Variants in ZFHX3 observed in about 807,000 individuals in gnomAD.
ZFHX3 encodes zinc finger homeobox protein 3.
Under a neutral mutation model 279.1 loss-of-function variants are expected in ZFHX3, and 42 were observed. The ratio of observed to expected loss-of-function variants is 0.15; its 90% confidence interval spans 0.12 to 0.19. The LOEUF (loss-of-function observed/expected upper bound fraction) is 0.19. Among genes scored for constraint, ZFHX3 ranks in the 10% least tolerant of loss-of-function variants. The pLI, the probability that ZFHX3 is intolerant of heterozygous loss-of-function variation, is 1.00. For synonymous variants in ZFHX3, 2,293 were observed against 1,957.8 expected (o/e 1.17, Z -4.52); for missense variants, 4,981 against 4,754.0 (o/e 1.05, Z -1.40).
At chr16:73,712,425 T>TCAAA (rs2053372276) in intron 1 of ZFHX3, among the ~76,000 whole-genome samples, 1 of 152,116 alleles carries the variant, frequency 6.6e-6, no homozygotes, top group South Asian at 2.1e-4. Flanking sequence ...CTCTGACCCT[T>TCAAA]CCCCAGCCCC....
At chr16:72,998,968 T>C (rs72795140) in intron 1 of ZFHX3, among the ~76,000 whole-genome samples, 49 of 152,358 alleles carry the variant, frequency 3.2e-4, no homozygotes, top group Non-Finnish European at 6.0e-4. Flanking sequence ...GAAAACTCAC[T>C]GTCTTTGCAA....
In ZFHX3 at chr16:73,005,098, C is replaced by T. The variant is rs192366236; in HGVS notation, c.-50+42654G>A. On this transcript the variant is annotated intron_variant, in intron 1 of 9. Coordinates refer to ENST00000268489, the MANE Select transcript of ZFHX3 (RefSeq NM_006885.4). ...AGTCTGGCTGACTTTGAGCCTGTTA[C>T]TTAAACTCCCTGAGCTTCGGTTTCC... 4.0e-3 allele frequency among the ~76,000 whole-genome samples: 613 copies of T among 152,342 alleles called. 2 individuals carry two copies. The highest frequency in any genetic ancestry group is 5.2e-3 in the Non-Finnish European group (351 of 68,032).
In ZFHX3 at chr16:72,798,507, G is replaced by T. The variant is rs1207124526; in HGVS notation, c.4175C>A (p.Pro1392Gln). ...NEVHAKRPQL[P>Q]VSDRHVYKYR... ...CTTGTACACATGGCGATCTGACACC[G>T]GCAGCTGAGGCCTCTTGGCATGCAC... Residue 1392 changes from proline to glutamine, a missense_variant, in exon 9 of 10, where the codon CCG (proline) becomes CAG (glutamine). By Grantham distance (76) the Pro-to-Gln change is moderately conservative. Around this residue, in one of 7 missense-constraint regions of ZFHX3, gnomAD observed 1,751 missense variants for 1,770.0 expected, o/e 0.99. Coordinates refer to ENST00000268489, the MANE Select transcript of ZFHX3 (RefSeq NM_006885.4). 2 of 1,614,076 alleles carry T rather than the reference G, an allele frequency of 1.2e-6. No individual in the cohort carries two copies. Among genetic ancestry groups the T allele is most frequent in the Non-Finnish European group, 1.7e-6 (2 of 1,180,028 alleles).
chr16:72,819,209 G>A (rs2036706767), intron 5 of ZFHX3, among the ~76,000 whole-genome samples: 1 of 151,278 alleles, frequency 6.6e-6, no homozygotes, highest in Non-Finnish European at 1.5e-5. Context: ...TGCCTCTCCG[G>A]CTCCCTCCCT....
At chr16:72,830,661 T>C (rs2037040022) in intron 4 of ZFHX3, among the ~76,000 whole-genome samples, 1 of 152,174 alleles carries the variant, frequency 6.6e-6, no homozygotes, top group Non-Finnish European at 1.5e-5. Context: ...AGGCTGCTTA[T>C]GAAGTCAAAT....
intron 3 of ZFHX3, among the ~76,000 whole-genome samples, chr16:72,896,513 C>A (rs2038903704): frequency 6.6e-6 from 1 of 152,204 alleles, no homozygotes; most frequent in East Asian, 1.9e-4. Flanking sequence ...AGAAGGGAGA[C>A]AACAGAGGCT....
intron 1 of ZFHX3, 117 bp from the exon 2 acceptor site, chr16:72,960,311 G>T: frequency 1.3e-6 from 1 of 746,796 alleles, no homozygotes; most frequent in Non-Finnish European, 2.0e-6. Context: ...AGAGGCTTCT[G>T]TCCACAACAC....
intron 3 of ZFHX3, among the ~76,000 whole-genome samples, chr16:72,899,517 TTTA>T (rs1217944293): frequency 2.0e-5 from 3 of 152,218 alleles, no homozygotes; most frequent in African/African-American, 7.2e-5. Flanking sequence ...CGGGTATGTC[TTTA>T]TTAATAGCGT....
chr16:73,569,157 T>G (rs2020494589), intron 2 of ZFHX3, among the ~76,000 whole-genome samples: 1 of 152,106 alleles, frequency 6.6e-6, no homozygotes, highest in African/African-American at 2.4e-5. Flanking sequence ...CAAGCTGACT[T>G]ATAAGAAAGG....
chr16:73,673,412 A>G (rs2142187255), intron 2 of ZFHX3, among the ~76,000 whole-genome samples: 1 of 152,286 alleles, frequency 6.6e-6, no homozygotes, highest in South Asian at 2.1e-4. Context: ...AAAATCACAC[A>G]CAGAGAGAAG....
chr16:72,857,967 G>T (rs1433824980), intron 4 of ZFHX3, among the ~76,000 whole-genome samples: 3 of 152,226 alleles, frequency 2.0e-5, no homozygotes, highest in South Asian at 4.1e-4. Context: ...GAGTAAGAGA[G>T]CAAGGACCAG....
At chr16:73,820,382 C>T (rs771965177) in intron 1 of ZFHX3, among the ~76,000 whole-genome samples, 5 of 152,146 alleles carry the variant, frequency 3.3e-5, no homozygotes, top group Non-Finnish European at 5.9e-5. Flanking sequence ...CTGGGAGTAA[C>T]TCTTAACTGG....
chr16:72,857,872 T>G (rs1597316927), intron 4 of ZFHX3, among the ~76,000 whole-genome samples: 1 of 152,220 alleles, frequency 6.6e-6, no homozygotes, highest in Non-Finnish European at 1.5e-5. Flanking sequence ...AAAAGCAAAG[T>G]TGCCTTCCCC....
chr16:72,794,175 G>T lies in ZFHX3; in HGVS notation c.8507C>A (p.Ser2836Tyr). 1 of 1,614,204 alleles carries T rather than the reference G, an allele frequency of 6.2e-7. No homozygotes were observed. The highest frequency in any genetic ancestry group is 1.1e-5 in the South Asian group (1 of 91,076). ...ATCTGTGATTGCTGTGTTGACAGAG[G>T]AACAGTCATCGTTGTCCAGCTTAGT... ...DQTKLDNDDC[S>Y]SVNTAITDTT... is the part of the protein sequence containing the mutation. Residue 2836 changes from serine (S) to tyrosine (Y), a missense_variant, in exon 9 of 10, where the codon TCC (serine) becomes TAC (tyrosine). Ser to Tyr is a moderately radical substitution (Grantham distance 144). Around this residue, in one of 7 missense-constraint regions of ZFHX3, gnomAD observed 744 missense variants for 701.3 expected, o/e 1.06. Transcript: ENST00000268489. The surrounding 1 kb of genome is among the most constrained non-coding windows in gnomAD (Gnocchi z 4.2).
rs547048310 is a variant in ZFHX3 at position 73,274,908 on chromosome 16, T to C, written c.-1193-17772A>G. ...TGGTGTATATTTCGGATAGATACCC[T>C]TTATTGGTCTAAGAAACTGTAGTTC... On this transcript the variant is annotated intron_variant, in intron 4 of 17. Coordinates refer to the ZFHX3 transcript ENST00000641206. Among the ~76,000 whole-genome samples, 14 of 152,374 alleles carry C rather than the reference T, an allele frequency of 9.2e-5. No individual in the cohort carries two copies. The South Asian group carries it at 2.1e-3, about 23-fold the overall frequency.
intron 3 of ZFHX3, among the ~76,000 whole-genome samples, chr16:73,407,766 A>T (rs2143450908): frequency 1.3e-5 from 2 of 152,368 alleles, no homozygotes; most frequent in South Asian, 4.1e-4. Flanking sequence ...AGAGTGAAAT[A>T]AAGAGTAAAC....
chr16:73,126,228 G>A (rs752179098), intron 7 of ZFHX3, among the ~76,000 whole-genome samples: 15 of 152,100 alleles, frequency 9.9e-5, no homozygotes, highest in Non-Finnish European at 2.2e-4. Context: ...CAATCACAGC[G>A]GGGCACCAGG....
At chr16:73,520,663 A>G (rs1202697323) in intron 2 of ZFHX3, among the ~76,000 whole-genome samples, 2 of 152,240 alleles carry the variant, frequency 1.3e-5, no homozygotes. Flanking sequence ...TACATAGTAG[A>G]CATACATGAA....
At chr16:73,322,812 T>C (rs755858625) in intron 3 of ZFHX3, among the ~76,000 whole-genome samples, 7 of 152,058 alleles carry the variant, frequency 4.6e-5, no homozygotes, top group Non-Finnish European at 1.5e-5. Context: ...TAAAAAAGAG[T>C]TTCTACTTTC....
Sources: gnomAD v4.1 joint callset for allele counts (sites outside exome capture counted in the v4.1 genomes callset) on GRCh38, gnomAD v4.1.1 for gene constraint, gnomAD v4.1.1 regional missense constraint, Gnocchi (gnomAD v3.1) non-coding constraint, MANE v1.5 for transcripts, NCBI Gene and HGNC (gene_info 2026-07-23, HGNC 2026-07-21) for gene names.